The following RASA1 variants were observed in gnomAD, a reference collection of about 807,000 sequenced individuals.
The protein encoded by RASA1 is RAS p21 protein activator 1.
A neutral mutation model predicts 132.2 loss-of-function variants in RASA1; 25 were observed. The observed-to-expected ratio is 0.19, with a 90% CI of 0.14 to 0.26. The LOEUF is 0.26. RASA1 is among the 10% of genes least tolerant of loss of function. The probability of loss-of-function intolerance (pLI) is 1.00; values close to 1 mark genes in which losing one functional copy is unlikely to be tolerated. For synonymous variants in RASA1, 477 were observed against 449.9 expected (o/e 1.06, Z -0.76); for missense variants, 964 against 1,299.2 (o/e 0.74, Z 3.97).
chr5:87,302,759 C>G (rs1268188952), intron 1 of RASA1, among the ~76,000 whole-genome samples: 1 of 151,080 alleles, frequency 6.6e-6, no homozygotes, highest in East Asian at 1.9e-4. Context: ...GCCTAATACG[C>G]ACACCACCTC....
In RASA1 at chr5:87,331,491, A is replaced by G. The variant is rs188368311; in HGVS notation, c.683A>G (p.Asn228Ser). ...TTTCTTAGCCAGATGAATGTTGTCA[A>G]CCATTTTAGGTAAGTCTTTATTCCT... is the stretch of plus-strand genomic sequence containing the variant. ...LSFLSQMNVV[N>S]HFRIIAMCGD... The change falls in exon 2 of 25, where the codon AAC becomes AGC. Residue 228 changes from asparagine to serine, a missense_variant. Asn to Ser is a conservative substitution (Grantham distance 46). Transcript: ENST00000274376. The G allele has an allele frequency of 2.5e-6, 4 of 1,613,784 alleles. No homozygotes were observed. Among genetic ancestry groups the G allele is most frequent in the East Asian group, 2.2e-5 (1 of 44,840 alleles).
At chr5:87,360,298 A>G (rs1441642808) in intron 9 of RASA1, among the ~76,000 whole-genome samples, 3 of 151,926 alleles carry the variant, frequency 2.0e-5, no homozygotes, top group Admixed American at 6.6e-5. Flanking sequence ...AGCTAATTTC[A>G]TATTTTTAGT....
intron 1 of RASA1, among the ~76,000 whole-genome samples, chr5:87,286,811 TACAC>T (rs919850166): frequency 5.3e-5 from 8 of 149,916 alleles, no homozygotes; most frequent in African/African-American, 1.5e-4. Flanking sequence ...CATAAACGTA[TACAC>T]ACACACACTC....
At chr5:87,304,943 T>C (rs1240741449) in intron 1 of RASA1, among the ~76,000 whole-genome samples, 8 of 147,632 alleles carry the variant, frequency 5.4e-5, no homozygotes, top group Non-Finnish European at 1.1e-4. Flanking sequence ...TTAGTCCTTT[T>C]TTTTTTTTTT....
intron 1 of RASA1, among the ~76,000 whole-genome samples, chr5:87,286,446 A>G (rs1441380048): frequency 6.6e-6 from 1 of 152,058 alleles, no homozygotes; most frequent in Non-Finnish European, 1.5e-5. Context: ...AAAAATTAAG[A>G]AATTCCTGAT....
At chr5:87,350,649 A>G (rs1386133891) in intron 8 of RASA1, among the ~76,000 whole-genome samples, 1 of 151,610 alleles carries the variant, frequency 6.6e-6, no homozygotes, top group African/African-American at 2.4e-5. Context: ...ATGATGGAAC[A>G]TGAAAAAAGA....
chr5:87,272,554 A>T (rs1179479636), intron 1 of RASA1, among the ~76,000 whole-genome samples: 4 of 151,358 alleles, frequency 2.6e-5, no homozygotes, highest in African/African-American at 9.7e-5. Context: ...TTTTTTTTTA[A>T]GATTTAATGA....
chr5:87,270,506 T>A (rs1458439155), intron 1 of RASA1, among the ~76,000 whole-genome samples: 4 of 151,362 alleles, frequency 2.6e-5, no homozygotes, highest in Admixed American at 6.6e-5. Context: ...TGCCACCATG[T>A]CTGGCTAATT....
intron 1 of RASA1, among the ~76,000 whole-genome samples, chr5:87,285,533 T>C (rs1754512310): frequency 6.6e-6 from 1 of 152,000 alleles, no homozygotes; most frequent in African/African-American, 2.4e-5. Context: ...GTAGTGTAGA[T>C]ATGTGGAATT....
intron 2 of RASA1, 62 bp downstream of exon 2, chr5:87,331,562 A>G (rs1388944649): frequency 2.0e-6 from 3 of 1,538,220 alleles, no homozygotes; most frequent in Admixed American, 3.3e-5. Context: ...ATATTCATAA[A>G]TATACCTGTA....
At position 87,376,583 on chromosome 5, in the gene RASA1, A is replaced by C; in HGVS notation, c.2184+18A>C. 1 of 1,607,774 alleles carries C rather than the reference A, an allele frequency of 6.2e-7. No homozygotes were observed. The highest frequency in any genetic ancestry group is 2.2e-5 in the East Asian group (1 of 44,710). On this transcript the variant is annotated intron_variant, in intron 16 of 24. Transcript: ENST00000274376. ...TTAAAGAGGTATTAAATTATTTATCAGTCTTGTTTTTGTTGGAATTAACAG... is the reference window on the plus strand; with the variant it reads ...TTAAAGAGGTATTAAATTATTTATCCGTCTTGTTTTTGTTGGAATTAACAG...
intron 1 of RASA1, among the ~76,000 whole-genome samples, chr5:87,280,887 G>C (rs942020091): frequency 6.7e-6 from 1 of 148,386 alleles, no homozygotes; most frequent in East Asian, 2.1e-4. Flanking sequence ...ATCCCGAGTA[G>C]CTGGACTACC....
chr5:87,305,136 A>AC, intron 1 of RASA1, among the ~76,000 whole-genome samples: 1 of 152,036 alleles, frequency 6.6e-6, no homozygotes, highest in African/African-American at 2.4e-5. Flanking sequence ...AAAGTTAGCA[A>AC]AAATTTTTTA....
chr5:87,286,362 T>C (rs1754565314), intron 1 of RASA1, among the ~76,000 whole-genome samples: 1 of 152,148 alleles, frequency 6.6e-6, no homozygotes, highest in African/African-American at 2.4e-5. Flanking sequence ...TTTTTTCCCT[T>C]TTACTGATCT....
At chr5:87,363,236 A>T in intron 10 of RASA1, 112 bp from the exon 11 acceptor site, 1 of 1,017,738 alleles carries the variant, frequency 9.8e-7, no homozygotes. Context: ...CATATTACAT[A>T]AGCTTTGGAA....
chr5:87,342,669 T>C (rs543583752), intron 6 of RASA1, among the ~76,000 whole-genome samples: 2 of 152,322 alleles, frequency 1.3e-5, no homozygotes, highest in African/African-American at 4.8e-5. Flanking sequence ...TGGCAACTAA[T>C]ATTCACTCAC....
rs1288772822 is a variant in RASA1, at chr5:87,331,498, T to C, written c.690T>C (p.Phe230=). ...GCCAGATGAATGTTGTCAACCATTT[T>C]AGGTAAGTCTTTATTCCTATTATGA... The part of the protein sequence containing the change: ...FLSQMNVVNH[F]RIIAMCGDYY... The change falls in exon 2 of 25, where the codon TTT becomes TTC. Residue 230 remains phenylalanine (F), a splice_region_variant and synonymous_variant. Coordinates refer to ENST00000274376, the MANE Select transcript of RASA1 (RefSeq NM_002890.3). The C allele has an allele frequency of 1.2e-6, 2 of 1,613,632 alleles. No homozygotes were observed. Among genetic ancestry groups the C allele is most frequent in the East Asian group, 4.5e-5 (2 of 44,854 alleles).
chr5:87,281,169 C>T (rs1197739030), intron 1 of RASA1, among the ~76,000 whole-genome samples: 1 of 152,010 alleles, frequency 6.6e-6, no homozygotes, highest in Non-Finnish European at 1.5e-5. Context: ...TACTGTTTTC[C>T]ACAGTGACCA....
At chr5:87,379,370 T>A (rs568612961) in intron 18 of RASA1, among the ~76,000 whole-genome samples, 1 of 152,180 alleles carries the variant, frequency 6.6e-6, no homozygotes, top group South Asian at 2.1e-4. Flanking sequence ...TCAGAAGGGT[T>A]ACAGGAAAAG....
Sources: allele counts gnomAD v4.1 joint callset (sites outside exome capture counted in the v4.1 genomes callset), GRCh38; gene constraint gnomAD v4.1.1; transcripts MANE v1.5; gene names NCBI Gene and HGNC (gene_info 2026-07-23, HGNC 2026-07-21).